CELF2: variants seen among roughly 807,000 people sequenced by gnomAD.
CELF2 encodes the protein CUG triplet repeat RNA-binding protein 2.
Under a neutral mutation model 62.6 loss-of-function variants are expected in CELF2, and 8 were observed. The ratio of observed to expected loss-of-function variants is 0.13; its 90% confidence interval spans 0.07 to 0.23. The LOEUF (loss-of-function observed/expected upper bound fraction) is 0.23, where lower values mean the gene tolerates loss of function less well. Among genes scored for constraint, CELF2 ranks in the 10% least tolerant of loss-of-function variants. CELF2 has a pLI of 1.00. For synonymous variants in CELF2, 258 were observed against 250.0 expected (o/e 1.03, Z -0.30); for missense variants, 333 against 671.0 (o/e 0.50, Z 5.56).
At chr10:11,182,521 A>G (rs1406403049) in intron 2 of CELF2, among the ~76,000 whole-genome samples, 1 of 152,180 alleles carries the variant, frequency 6.6e-6, no homozygotes, top group Non-Finnish European at 1.5e-5. Context: ...ACTCTTCCAG[A>G]CTTGGATTTT....
the CELF2 span, among the ~76,000 whole-genome samples, chr10:10,629,861 C>CAAAAAAAAAAAAAAAAAAAA: frequency 1.6e-4 from 2 of 12,342 alleles, 1 homozygote; most frequent in African/African-American, 6.7e-4. Context: ...GGCTGAAGAC[C>CAAAAAAAAAAAAAAAAAAAA]AAAAAAAAAA....
rs373143426 is a variant in CELF2 at position 10,937,121 on chromosome 10, C to CTTT, written c.89+17142_89+17144dup. Among the ~76,000 whole-genome samples, 52 of 90,498 alleles carry CTTT rather than the reference C, an allele frequency of 5.7e-4. 1 individual carries two copies. The highest frequency in any genetic ancestry group is 1.8e-3 in the African/African-American group (35 of 19,446). 59.4% of individuals were successfully genotyped at this position (90,498 alleles called of 152,430 possible). A position where few individuals can be genotyped will look rare whatever the true frequency, so the allele number is the denominator to read the frequency against. On this transcript the variant is annotated intron_variant, in intron 2 of 13. Coordinates refer to the CELF2 transcript ENST00000636488. ...CTTTCTTCTTTTTTGTTTTTCTTTT[C>CTTT]TTTTTTTTTTTTTTTTTTTTTTCGT...
chr10:11,175,589 G>A (rs1210232970), intron 2 of CELF2, among the ~76,000 whole-genome samples: 2 of 152,194 alleles, frequency 1.3e-5, no homozygotes, highest in Admixed American at 6.5e-5. Context: ...AAAAGTTAAG[G>A]AGATGGTGGG....
At chr10:10,490,568 T>G in the CELF2 span, among the ~76,000 whole-genome samples, 1 of 150,564 alleles carries the variant, frequency 6.6e-6, no homozygotes, top group Non-Finnish European at 1.5e-5. Flanking sequence ...TCTATCTGGT[T>G]GGGGGGGGGT....
At chr10:10,518,664 G>T in the CELF2 span, among the ~76,000 whole-genome samples, 1 of 151,854 alleles carries the variant, frequency 6.6e-6, no homozygotes, top group Non-Finnish European at 1.5e-5. Flanking sequence ...GCTAATAGTG[G>T]CACCAATTTT....
In CELF2 at chr10:11,331,694, TTCTC is replaced by T. The variant is rs2096025027; in HGVS notation, c.*2645_*2648del. The T allele has an allele frequency of 1.3e-5, 2 of 152,634 alleles. No homozygotes were observed. Among genetic ancestry groups the T allele is most frequent in the Admixed American group, 6.5e-5 (1 of 15,286 alleles). 9.5% of individuals were successfully genotyped at this position (152,634 alleles called of 1,614,324 possible). A position where few individuals can be genotyped will look rare whatever the true frequency, so the allele number is the denominator to read the frequency against. ...GCCTGAAATTGTTATTGTTTGTTAT[TTCTC>T]TCTGATGTTTTTTGTAAGACATTGT... On this transcript the variant is annotated 3_prime_UTR_variant, in exon 13 of 13. Transcript: ENST00000633077.
chr10:10,914,369 G>A (rs1367321863), intron 1 of CELF2, among the ~76,000 whole-genome samples: 2 of 152,284 alleles, frequency 1.3e-5, no homozygotes, highest in South Asian at 2.1e-4. Context: ...GTTCAGGAAC[G>A]GGGAAGGACA....
chr10:10,500,529 T>G, the CELF2 span, among the ~76,000 whole-genome samples: 2,089 of 152,286 alleles, frequency 0.014, 38 homozygotes, highest in African/African-American at 0.047. Flanking sequence ...AAATTCTCTC[T>G]TGCCTGCCGC....
rs1393440914 is a variant in CELF2 at position 11,285,830 on chromosome 10, T to G, written c.842-2588T>G. On this transcript the variant is annotated intron_variant, in intron 8 of 12. Transcript: ENST00000633077. This position sits in a 1 kb window ranked among gnomAD's most constrained non-coding sequence, Gnocchi z 4.3. Reference sequence around the variant, plus strand: ...TCATCACCTACTATATATATTGGTGTGTGTGTGTGTGTGTGTGTGTGTGTG... The same window carrying G: ...TCATCACCTACTATATATATTGGTGGGTGTGTGTGTGTGTGTGTGTGTGTG... Among the ~76,000 whole-genome samples the G allele has an allele frequency of 0.011, 145 of 13,466 alleles. 2 individuals are homozygous for G. The highest frequency in any genetic ancestry group is 0.034 in the African/African-American group (140 of 4,088). 8.8% of individuals were successfully genotyped at this position (13,466 alleles called of 152,430 possible). A position where few individuals can be genotyped will look rare whatever the true frequency, so the allele number is the denominator to read the frequency against.
At chr10:10,487,604 C>T in the CELF2 span, among the ~76,000 whole-genome samples, 2 of 152,118 alleles carry the variant, frequency 1.3e-5, no homozygotes, top group African/African-American at 4.8e-5. Context: ...TGCTTTGACT[C>T]TTTCTTCACC....
chr10:11,024,894 A>C (rs1350894612), intron 1 of CELF2, among the ~76,000 whole-genome samples: 1 of 152,228 alleles, frequency 6.6e-6, no homozygotes, highest in Non-Finnish European at 1.5e-5. Flanking sequence ...CTGGTACCAT[A>C]ACAGTGTACT....
In CELF2 at chr10:10,936,310, C is replaced by G. The variant is rs577451080; in HGVS notation, c.89+16311C>G. On this transcript the variant is annotated intron_variant, in intron 2 of 13. Coordinates refer to the CELF2 transcript ENST00000636488. The surrounding 1 kb of genome is among the most constrained non-coding windows in gnomAD (Gnocchi z 4.0). ...AGATTGTCCAAGATCACAGAGTAAT[C>G]TGCATAATTGTGCAAAAATTCTCAT... Among the ~76,000 whole-genome samples the G allele has an allele frequency of 6.6e-6, 1 of 152,302 alleles. No homozygotes were observed. The highest frequency in any genetic ancestry group is 6.5e-5 in the Admixed American group (1 of 15,298).
chr10:10,696,147 G>A, the CELF2 span, among the ~76,000 whole-genome samples: 1 of 152,016 alleles, frequency 6.6e-6, no homozygotes, highest in Non-Finnish European at 1.5e-5. Flanking sequence ...TTTACTTTTG[G>A]TCTTTGATGA....
rs11256918 is a variant in CELF2 at position 10,924,213 on chromosome 10, C to T, written c.89+4214C>T. On this transcript the variant is annotated intron_variant, in intron 2 of 13. Coordinates refer to the CELF2 transcript ENST00000636488. ...AGGAGAATGGCGTGAACCCGGGAGG[C>T]GGAGCTTGCAGTGAGCCGAGATCGC... Among the ~76,000 whole-genome samples the T allele has an allele frequency of 7.4e-3, 930 of 125,860 alleles. 17 individuals carry two copies. The East Asian group carries it at 0.1, about 13-fold the overall frequency. 82.6% of individuals were successfully genotyped at this position (125,860 alleles called of 152,430 possible).
chr10:10,503,096 C>T, the CELF2 span, among the ~76,000 whole-genome samples: 56 of 151,984 alleles, frequency 3.7e-4, no homozygotes, highest in East Asian at 3.9e-3. Context: ...GAACACATGA[C>T]GCATGATTTC....
At position 11,077,065 on chromosome 10, in the gene CELF2, C is replaced by A. The variant is rs548062671; in HGVS notation, c.74+58902C>A. ...ATTTTTCTGGGCTTCAATTTCCTCCCCTATAAAACGGTGATTTCCCAAGTC... is the reference window on the plus strand; with the variant it reads ...ATTTTTCTGGGCTTCAATTTCCTCCACTATAAAACGGTGATTTCCCAAGTC... On this transcript the variant is annotated intron_variant, in intron 1 of 12. Coordinates refer to ENST00000633077, the MANE Select transcript of CELF2 (RefSeq NM_001326342.2). Among the ~76,000 whole-genome samples, 96 of 152,280 alleles carry A rather than the reference C, an allele frequency of 6.3e-4. No individual in the cohort carries two copies. In the South Asian group the frequency reaches 0.02, roughly 31 times the overall value.
chr10:10,873,943 T>C (rs2060920153), intron 1 of CELF2, among the ~76,000 whole-genome samples: 1 of 152,186 alleles, frequency 6.6e-6, no homozygotes, highest in Admixed American at 6.5e-5. Flanking sequence ...CAGCTTTGAT[T>C]GGGATGCTGC....
intron 1 of CELF2, among the ~76,000 whole-genome samples, chr10:10,882,757 T>C (rs2061513669): frequency 6.6e-6 from 1 of 152,210 alleles, no homozygotes; most frequent in Non-Finnish European, 1.5e-5. Context: ...CATTTTATTA[T>C]TTTACTCCTA....
At chr10:10,767,402 T>C in the CELF2 span, among the ~76,000 whole-genome samples, 1 of 152,080 alleles carries the variant, frequency 6.6e-6, no homozygotes, top group Non-Finnish European at 1.5e-5. Context: ...TGAGGGTATG[T>C]TTTCAAGAGC....
Sources: allele counts gnomAD v4.1 joint callset (sites outside exome capture counted in the v4.1 genomes callset), GRCh38; gene constraint gnomAD v4.1.1; non-coding constraint Gnocchi (gnomAD v3.1); transcripts MANE v1.5; gene names NCBI Gene and HGNC (gene_info 2026-07-23, HGNC 2026-07-21).